The following LBR variants were observed in gnomAD, a reference collection of about 807,000 sequenced individuals.
The protein encoded by LBR is lamin B receptor, also known as delta(14)-sterol reductase LBR.
A neutral mutation model predicts 74.3 loss-of-function variants in LBR; 28 were observed. The observed-to-expected ratio is 0.38, with a 90% CI of 0.28 to 0.52. LBR has a LOEUF of 0.52. Ranked by LOEUF, LBR falls within the 20% of genes least tolerant of loss-of-function variation. The probability of loss-of-function intolerance (pLI) is 0.89; values close to 1 mark genes in which losing one functional copy is unlikely to be tolerated. For missense variants in LBR, 717 were observed against 760.3 expected (o/e 0.94, Z 0.67); for synonymous variants, 228 against 269.3 (o/e 0.85, Z 1.50).
chr1:225,419,678 A>G, intron 4 of LBR, 37 bp downstream of exon 4: 2 of 1,516,480 alleles, frequency 1.3e-6, no homozygotes, highest in South Asian at 2.4e-5. Context: ...AAAAAGAAAA[A>G]AAAAAACAAC....
Position 225,404,509 on chromosome 1 carries a change from TATGA to T in LBR, c.1578_1581del (p.His527LeufsTer8). The T allele has an allele frequency of 3.1e-6, 5 of 1,612,148 alleles. No individual in the cohort carries two copies. Among genetic ancestry groups the T allele is most frequent in the Non-Finnish European group, 4.2e-6 (5 of 1,178,508 alleles). On this transcript the variant is annotated frameshift_variant, in exon 13 of 14. Transcript: ENST00000272163. LOFTEE classifies it high-confidence loss of function. The stretch of plus-strand genomic sequence containing the variant: ...ACTAGAAGATTTTTTCCCGTTGAAG[TATGA>T]ATGGTTTTTAAATCTATATAAAAAT...
In LBR at chr1:225,423,975, G is replaced by A. The variant is rs747525564; in HGVS notation, c.101C>T (p.Ser34Phe). The change falls in exon 2 of 14, where the codon TCC becomes TTC. Residue 34 changes from serine (S) to phenylalanine (F), a missense_variant. Transcript: ENST00000272163. Reference protein sequence around the residue: ...EVEILSHDSTSQLYTVKYKDG... With the variant: ...EVEILSHDSTFQLYTVKYKDG... Reference sequence around the variant, plus strand: ...TTTATACTTCACAGTGTAAAGCTGGGAGGTGCTGTCGTGGCTCAGAATTTC... The same window carrying A: ...TTTATACTTCACAGTGTAAAGCTGGAAGGTGCTGTCGTGGCTCAGAATTTC... 1.2e-6 allele frequency: 2 copies of A among 1,613,848 alleles called. No homozygotes were observed. Among genetic ancestry groups the A allele is most frequent in the Non-Finnish European group, 1.7e-6 (2 of 1,179,752 alleles).
chr1:225,415,685 T>C (rs1206218007), intron 6 of LBR, among the ~76,000 whole-genome samples: 1 of 152,152 alleles, frequency 6.6e-6, no homozygotes. Context: ...AGCTCAAACA[T>C]CTACCAATGG....
chr1:225,418,061 A>C lies in LBR; in HGVS notation c.760T>G (p.Trp254Gly), dbSNP rs1393344778. The C allele has an allele frequency of 8.4e-5, 135 of 1,614,122 alleles. No individual in the cohort carries two copies. The highest frequency in any genetic ancestry group is 1.1e-4 in the Non-Finnish European group (132 of 1,180,040). ...TAGACCCCAAATACTCTGGTTTCCC[A>C]TAACTCATACAAAGCTGGCAAAGGA... ...PPPLPALYEL[W>G]ETRVFGVYLL... The change falls in exon 6 of 14, where the codon TGG (tryptophan) becomes GGG (glycine). Residue 254 changes from tryptophan to glycine, a missense_variant. Coordinates refer to ENST00000272163, the MANE Select transcript of LBR (RefSeq NM_002296.4).
chr1:225,428,023 C>A lies in LBR; in HGVS notation c.-84G>T, dbSNP rs2096144341. 1 of 152,048 alleles carries A rather than the reference C, an allele frequency of 6.6e-6. No homozygotes were observed. Among genetic ancestry groups the A allele is most frequent in the Non-Finnish European group, 1.5e-5 (1 of 68,034 alleles). 9.4% of individuals were successfully genotyped at this position (152,048 alleles called of 1,614,324 possible). On this transcript the variant is annotated 5_prime_UTR_variant, in exon 1 of 14. Transcript: ENST00000272163. Reference sequence around the variant, plus strand: ...GTCGCACAGCAACCCGGCGGCAGATCCACGCGCGCGACGCTACCCGGCCGC... The same window carrying A: ...GTCGCACAGCAACCCGGCGGCAGATACACGCGCGCGACGCTACCCGGCCGC...
Position 225,422,156 on chromosome 1 carries a change from C to T in LBR, c.287G>A (p.Arg96Gln), listed in dbSNP as rs769191817. 56 of 1,613,956 alleles carry T rather than the reference C, an allele frequency of 3.5e-5. No homozygotes were observed. The highest frequency in any genetic ancestry group is 1.7e-4 in the Middle Eastern group (1 of 6,050). Residue 96 changes from arginine to glutamine, a missense_variant, in exon 3 of 14, where the codon CGA (arginine) becomes CAA (glutamine). Physicochemically the swap from Arg to Gln is conservative, Grantham distance 43. Coordinates refer to ENST00000272163, the MANE Select transcript of LBR (RefSeq NM_002296.4). ...SPGRPPKSAR[R>Q]SASASHQADI... Reference sequence around the variant, plus strand: ...GGCCTGGTGGGAAGCAGAAGCAGATCGGCGGGCACTTTTAGGTGGTCGACC... The same window carrying T: ...GGCCTGGTGGGAAGCAGAAGCAGATTGGCGGGCACTTTTAGGTGGTCGACC...
intron 10 of LBR, among the ~76,000 whole-genome samples, chr1:225,407,037 C>T (rs956364902): frequency 2.0e-5 from 3 of 152,162 alleles, no homozygotes; most frequent in Non-Finnish European, 4.4e-5. Context: ...GCCTCTCGCT[C>T]ATGCTCTGGA....
At chr1:225,410,451 C>A (rs1372930763) in intron 9 of LBR, 35 bp from the exon 10 acceptor site, 1 of 1,611,144 alleles carries the variant, frequency 6.2e-7, no homozygotes, top group Non-Finnish European at 8.5e-7. Flanking sequence ...AGCCTCAAAG[C>A]ACCTCCCCAG....
chr1:225,403,495 AT>A (rs772965361), intron 13 of LBR, 32 bp from the exon 14 acceptor site: 3 of 1,525,500 alleles, frequency 2.0e-6, no homozygotes, highest in Non-Finnish European at 2.7e-6. Flanking sequence ...AGTATTAGAT[AT>A]TTTTATTATC....
chr1:225,411,510 C>A (rs1466023183), intron 8 of LBR, 70 bp from the exon 9 acceptor site: 13 of 1,087,726 alleles, frequency 1.2e-5, no homozygotes, highest in East Asian at 2.4e-5. Flanking sequence ...ACGGCACTGC[C>A]GCCCACTATC....
At chr1:225,428,723 G>C (rs1254728521), upstream of LBR, 2 of 152,190 alleles carry the variant, frequency 1.3e-5, no homozygotes. Context: ...GGAGGGGCTC[G>C]GTTGTTACCC....
chr1:225,406,521 T>C, intron 11 of LBR, 143 bp downstream of exon 11: 1 of 705,802 alleles, frequency 1.4e-6, no homozygotes, highest in South Asian at 2.1e-5. Context: ...ATGCAGATTT[T>C]TTATTACTCA....
chr1:225,412,667 G>A (rs77532551), intron 7 of LBR, 22 bp from the exon 8 acceptor site: 219 of 1,432,224 alleles, frequency 1.5e-4, no homozygotes, highest in Middle Eastern at 7.3e-4. Context: ...AAAAAAAAAG[G>A]AAGTGGAAAA....
At chr1:225,403,830 C>T (rs1398858716) in intron 13 of LBR, among the ~76,000 whole-genome samples, 1 of 151,960 alleles carries the variant, frequency 6.6e-6, no homozygotes. Flanking sequence ...GCCAGCTCCT[C>T]CACCTCCACC....
Position 225,422,194 on chromosome 1 carries a change from G to GC in LBR, c.248dup (p.Ser84LeufsTer9). 1 of 1,614,036 alleles carries GC rather than the reference G, an allele frequency of 6.2e-7. No individual in the cohort carries two copies. Among genetic ancestry groups the GC allele is most frequent in the Non-Finnish European group, 8.5e-7 (1 of 1,180,026 alleles). The stretch of plus-strand genomic sequence containing the variant: ...TAGGTGGTCGACCAGGGGATCGGGA[G>GC]CGTGACCTTGATCGACTCCCTCGGC... On this transcript the variant is annotated frameshift_variant, in exon 3 of 14. Coordinates refer to ENST00000272163, the MANE Select transcript of LBR (RefSeq NM_002296.4). LOFTEE classifies it high-confidence loss of function.
intron 2 of LBR, 144 bp downstream of exon 2, chr1:225,423,767 C>A: frequency 1.2e-6 from 1 of 810,404 alleles, no homozygotes; most frequent in Admixed American, 1.8e-5. Context: ...TTCCCAGAGC[C>A]AAAAACAGTA....
chr1:225,411,862 T>C (rs1463369836), intron 8 of LBR, among the ~76,000 whole-genome samples: 2 of 152,268 alleles, frequency 1.3e-5, no homozygotes, highest in Admixed American at 1.3e-4. Flanking sequence ...CAGGCTACAG[T>C]GCAGTGGCAC....
In LBR at chr1:225,422,159, C is replaced by T. The variant is rs371428900; in HGVS notation, c.284G>A (p.Arg95His). 206 of 1,614,034 alleles carry T rather than the reference C, an allele frequency of 1.3e-4. No homozygotes were observed. Among genetic ancestry groups the T allele is most frequent in the Non-Finnish European group, 1.6e-4 (184 of 1,180,020 alleles). The change falls in exon 3 of 14, where the codon CGC (arginine) becomes CAC (histidine). Residue 95 changes from arginine (R) to histidine (H), a missense_variant. Physicochemically the swap from Arg to His is conservative, Grantham distance 29. Transcript: ENST00000272163. ...CTGGTGGGAAGCAGAAGCAGATCGGCGGGCACTTTTAGGTGGTCGACCAGG... is the reference window on the plus strand; with the variant it reads ...CTGGTGGGAAGCAGAAGCAGATCGGTGGGCACTTTTAGGTGGTCGACCAGG... ...RSPGRPPKSA[R>H]RSASASHQAD...
chr1:225,425,522 C>CT (rs1437441637), intron 1 of LBR, among the ~76,000 whole-genome samples: 2 of 152,150 alleles, frequency 1.3e-5, no homozygotes, highest in African/African-American at 4.8e-5. Context: ...GAAGTCAGGC[C>CT]TGGCTGAGTC....
Sources: gnomAD v4.1 joint callset for allele counts (sites outside exome capture counted in the v4.1 genomes callset) on GRCh38, gnomAD v4.1.1 for gene constraint, MANE v1.5 for transcripts, NCBI Gene and HGNC (gene_info 2026-07-23, HGNC 2026-07-21) for gene names.